Variants in MAP4K3 observed in about 807,000 individuals in gnomAD.
The protein encoded by MAP4K3 is MAPK/ERK kinase kinase kinase 3.
Under a neutral mutation model 143.5 loss-of-function variants are expected in MAP4K3, and 94 were observed. The observed-to-expected ratio is 0.65, with a 90% CI of 0.55 to 0.78. The LOEUF is 0.78. Ranked by LOEUF, MAP4K3 falls within the 30% of genes least tolerant of loss-of-function variation. The pLI is 0.00. For synonymous variants in MAP4K3, 416 were observed against 347.2 expected, an observed-to-expected ratio of 1.20 and a Z score of -2.20; for missense variants, 1,077 against 1,068.1, an observed-to-expected ratio of 1.01 and a Z score of -0.12.
chr2:39,363,378 G>A (rs1665823418), intron 2 of MAP4K3, among the ~76,000 whole-genome samples: 5 of 150,784 alleles, frequency 3.3e-5, no homozygotes, highest in Admixed American at 2.6e-4. Context: ...ATTCAAAAAC[G>A]AGCAAAGGGC....
chr2:39,317,907 C>T (rs985373369), intron 12 of MAP4K3, among the ~76,000 whole-genome samples: 2 of 152,074 alleles, frequency 1.3e-5, no homozygotes, highest in African/African-American at 4.8e-5. Context: ...TGAGTATATA[C>T]CCAAAGGAAT....
At chr2:39,418,576 G>A (rs1266742205) in intron 1 of MAP4K3, among the ~76,000 whole-genome samples, 1 of 151,972 alleles carries the variant, frequency 6.6e-6, no homozygotes, top group East Asian at 1.9e-4. Flanking sequence ...CAGAAACCTG[G>A]TTAACTAAAA....
chr2:39,272,273 GTACCCT>G lies in MAP4K3; in HGVS notation c.1973+4_1973+9del, dbSNP rs905832721. The G allele has an allele frequency of 1.3e-6, 2 of 1,564,954 alleles. No homozygotes were observed. Among genetic ancestry groups the G allele is most frequent in the Non-Finnish European group, 1.8e-6 (2 of 1,135,948 alleles). On this transcript the variant is annotated splice_donor_5th_base_variant and intron_variant, in intron 26 of 33. Transcript: ENST00000263881. Reference sequence around the variant, plus strand: ...TTAATATCATATTGCCTCTAAGGATGTACCCTTACCTTGGCAGTATTCTGTCAGGGA... The same window carrying G: ...TTAATATCATATTGCCTCTAAGGATGTACCTTGGCAGTATTCTGTCAGGGA...
At chr2:39,399,121 C>T (rs973095664) in intron 1 of MAP4K3, among the ~76,000 whole-genome samples, 3 of 150,978 alleles carry the variant, frequency 2.0e-5, no homozygotes, top group Non-Finnish European at 2.9e-5. Context: ...CCTGCTCACA[C>T]GAAATTCCCA....
chr2:39,361,390 C>A (rs1665766703), intron 2 of MAP4K3, among the ~76,000 whole-genome samples: 1 of 151,222 alleles, frequency 6.6e-6, no homozygotes, highest in South Asian at 2.1e-4. Context: ...TAGACTCTTT[C>A]AATATAAATG....
chr2:39,367,660 A>G (rs1028073534), intron 2 of MAP4K3, among the ~76,000 whole-genome samples: 1 of 152,068 alleles, frequency 6.6e-6, no homozygotes, highest in Non-Finnish European at 1.5e-5. Context: ...AGTCCCAGAT[A>G]TTTGGGGGAC....
intron 2 of MAP4K3, among the ~76,000 whole-genome samples, chr2:39,368,033 C>T (rs1267549672): frequency 2.6e-5 from 4 of 152,130 alleles, no homozygotes; most frequent in African/African-American, 7.2e-5. Context: ...GTTTGGTCTC[C>T]TTTTCTTACC....
chr2:39,372,352 T>C (rs2148573620), intron 2 of MAP4K3, among the ~76,000 whole-genome samples: 1 of 152,034 alleles, frequency 6.6e-6, no homozygotes, highest in East Asian at 1.9e-4. Context: ...TGTTAAAATG[T>C]CCATACTACC....
intron 2 of MAP4K3, 95 bp from the exon 3 acceptor site, chr2:39,356,434 A>C: frequency 4.4e-6 from 3 of 680,406 alleles, no homozygotes; most frequent in Non-Finnish European, 7.8e-6. Context: ...CGTATTAATA[A>C]GTATAACATA....
At chr2:39,365,634 C>T (rs1031748415) in intron 2 of MAP4K3, among the ~76,000 whole-genome samples, 7 of 150,176 alleles carry the variant, frequency 4.7e-5, no homozygotes, top group South Asian at 2.1e-4. Flanking sequence ...TTAGTAGAGA[C>T]GGGGTTTCAC....
intron 1 of MAP4K3, among the ~76,000 whole-genome samples, chr2:39,429,979 A>C (rs1402744266): frequency 6.6e-6 from 1 of 152,248 alleles, no homozygotes; most frequent in African/African-American, 2.4e-5. Flanking sequence ...AAAGTTCTAA[A>C]AGAGCTTTCA....
chr2:39,263,625 T>C (rs1428461260), intron 28 of MAP4K3, among the ~76,000 whole-genome samples: 1 of 152,050 alleles, frequency 6.6e-6, no homozygotes, highest in Non-Finnish European at 1.5e-5. Context: ...AAAGCTAGGT[T>C]AAGATTAAGG....
At chr2:39,417,578 G>A (rs925367586) in intron 1 of MAP4K3, among the ~76,000 whole-genome samples, 3 of 152,130 alleles carry the variant, frequency 2.0e-5, no homozygotes, top group African/African-American at 7.2e-5. Flanking sequence ...GGGAAGGCCA[G>A]AACAAACCAT....
At chr2:39,261,661 T>C (rs976841160) in intron 28 of MAP4K3, among the ~76,000 whole-genome samples, 1 of 152,084 alleles carries the variant, frequency 6.6e-6, no homozygotes, top group Non-Finnish European at 1.5e-5. Context: ...AGTACACATA[T>C]ACAAGAGACA....
intron 29 of MAP4K3, among the ~76,000 whole-genome samples, chr2:39,259,364 C>G (rs1015396647): frequency 6.6e-6 from 1 of 152,128 alleles, no homozygotes; most frequent in Non-Finnish European, 1.5e-5. Flanking sequence ...CCCAGTGATT[C>G]TGATGAATGC....
At chr2:39,330,446 T>C (rs894972455) in intron 8 of MAP4K3, among the ~76,000 whole-genome samples, 1 of 152,158 alleles carries the variant, frequency 6.6e-6, no homozygotes. Flanking sequence ...CAGAAAGTTA[T>C]TAAAATGTGT....
chr2:39,290,333 A>G lies in MAP4K3; in HGVS notation c.1273T>C (p.Ser425Pro). The change falls in exon 19 of 34, where the codon TCA (serine) becomes CCA (proline). Residue 425 changes from serine (S) to proline (P), a missense_variant and splice_region_variant. Coordinates refer to ENST00000263881, the MANE Select transcript of MAP4K3 (RefSeq NM_003618.4). ...GGTGGAATTTTTGCTTTCAGAGTTG[A>G]GCTAAAAACAGAAAAGTTTAGAATC... ...DEGDDDESKH[S>P]TLKAKIPPPL... 1.2e-6 allele frequency: 2 copies of G among 1,601,410 alleles called. No homozygotes were observed. Among genetic ancestry groups the G allele is most frequent in the Non-Finnish European group, 1.7e-6 (2 of 1,173,512 alleles).
chr2:39,376,595 C>A (rs763902788), intron 2 of MAP4K3, among the ~76,000 whole-genome samples: 1 of 151,958 alleles, frequency 6.6e-6, no homozygotes. Context: ...GTGCTGGGGG[C>A]ACAAATTTGA....
rs1213624314 is a variant in MAP4K3 at position 39,309,448 on chromosome 2, C to T, written c.1056+13G>A. ...TATTTTCAGTGCTAACATTCTAAGG[C>T]TATACTACTTACAAGTTCATGATGT... On this transcript the variant is annotated intron_variant, in intron 14 of 33. Coordinates refer to ENST00000263881, the MANE Select transcript of MAP4K3 (RefSeq NM_003618.4). 39 of 1,565,942 alleles carry T rather than the reference C, an allele frequency of 2.5e-5. No individual in the cohort carries two copies. Among genetic ancestry groups the T allele is most frequent in the Non-Finnish European group, 3.3e-5 (38 of 1,150,848 alleles).
Sources: allele counts gnomAD v4.1 joint callset (sites outside exome capture counted in the v4.1 genomes callset), GRCh38; gene constraint gnomAD v4.1.1; transcripts MANE v1.5; gene names NCBI Gene and HGNC (gene_info 2026-07-23, HGNC 2026-07-21).